Variants in MACROD2 observed in about 807,000 individuals in gnomAD.
MACROD2 encodes the protein ADP-ribose glycohydrolase MACROD2.
Under a neutral mutation model 70.4 loss-of-function variants are expected in MACROD2, and 36 were observed. That is an observed-to-expected ratio of 0.51 (90% confidence interval 0.39 to 0.68). The LOEUF (loss-of-function observed/expected upper bound fraction) is 0.68, where lower values mean the gene tolerates loss of function less well. Ranked by LOEUF, MACROD2 falls within the 30% of genes least tolerant of loss-of-function variation. MACROD2 has a pLI of 0.00. For missense variants in MACROD2, 496 were observed against 538.4 expected, an observed-to-expected ratio of 0.92 and a Z score of 0.78; for synonymous variants, 172 against 178.8, an observed-to-expected ratio of 0.96 and a Z score of 0.30.
At chr20:15,878,885 G>T (rs1431493616) in intron 9 of MACROD2, among the ~76,000 whole-genome samples, 2 of 152,082 alleles carry the variant, frequency 1.3e-5, no homozygotes, top group South Asian at 2.1e-4. Context: ...AAACTAGTTG[G>T]TTTTCACATA....
At chr20:15,380,424 A>AT (rs2045627557) in intron 6 of MACROD2, among the ~76,000 whole-genome samples, 3 of 111,420 alleles carry the variant, frequency 2.7e-5, no homozygotes, top group Non-Finnish European at 5.0e-5. Flanking sequence ...ACTTAGGGAA[A>AT]GTTTTTTTTT....
At chr20:14,735,034 T>C (rs1381798129) in intron 5 of MACROD2, among the ~76,000 whole-genome samples, 2 of 151,814 alleles carry the variant, frequency 1.3e-5, no homozygotes, top group Non-Finnish European at 2.9e-5. Context: ...ATAAAACCCT[T>C]AGAAAAAAAA....
intron 2 of MACROD2, among the ~76,000 whole-genome samples, chr20:14,078,683 C>T (rs920850703): frequency 1.3e-5 from 2 of 152,208 alleles, no homozygotes; most frequent in Non-Finnish European, 2.9e-5. Flanking sequence ...GCTGGGATTA[C>T]AGGCGTGAGC....
chr20:15,823,220 C>G (rs2063958417), intron 8 of MACROD2, among the ~76,000 whole-genome samples: 1 of 151,652 alleles, frequency 6.6e-6, no homozygotes, highest in Non-Finnish European at 1.5e-5. Flanking sequence ...CTTTTCAAAT[C>G]AAGCACTCAC....
chr20:15,923,413 C>G (rs1375505037), intron 10 of MACROD2, among the ~76,000 whole-genome samples: 1 of 152,186 alleles, frequency 6.6e-6, no homozygotes, highest in Non-Finnish European at 1.5e-5. Context: ...CCCCATGATT[C>G]AATTACCTCC....
At position 14,850,126 on chromosome 20, in the gene MACROD2, G is replaced by A. The variant is rs77836645; in HGVS notation, c.418+165167G>A. The A allele has an allele frequency of 4.1e-3, 1,641 of 396,300 alleles. 20 individuals carry two copies. The highest frequency in any genetic ancestry group is 0.03 in the African/African-American group (1,462 of 48,288). 24.5% of individuals were successfully genotyped at this position (396,300 alleles called of 1,614,324 possible). ...AGAGCCATAGTTTAAAAGTTTGAAA[G>A]CTTTGGGGGTCATCTAGGACACTGA... On this transcript the variant is annotated intron_variant, in intron 5 of 17. Coordinates refer to ENST00000684519, the MANE Select transcript of MACROD2 (RefSeq NM_001351661.2).
intron 10 of MACROD2, among the ~76,000 whole-genome samples, chr20:15,909,256 C>T (rs1186340220): frequency 6.6e-6 from 1 of 152,158 alleles, no homozygotes; most frequent in Non-Finnish European, 1.5e-5. Context: ...ACTTGTTACA[C>T]ATTGACCCAG....
At chr20:15,274,718 C>T (rs752727651) in intron 6 of MACROD2, among the ~76,000 whole-genome samples, 5 of 152,172 alleles carry the variant, frequency 3.3e-5, no homozygotes, top group Admixed American at 6.5e-5. Context: ...AAGCAGACAC[C>T]GTCCTTGACT....
chr20:14,861,282 G>C (rs115415454), intron 5 of MACROD2, among the ~76,000 whole-genome samples: 5 of 152,020 alleles, frequency 3.3e-5, no homozygotes, highest in Admixed American at 6.6e-5. Flanking sequence ...CTAGAGCCTC[G>C]GAGGAAGGGC....
intron 6 of MACROD2, among the ~76,000 whole-genome samples, chr20:15,340,784 T>G (rs936122574): frequency 4.6e-5 from 7 of 152,084 alleles, no homozygotes; most frequent in Non-Finnish European, 8.8e-5. Context: ...CTTTTTTTTT[T>G]TTGCCCTCCA....
intron 13 of MACROD2, among the ~76,000 whole-genome samples, chr20:15,980,061 G>T (rs374174602): frequency 6.6e-6 from 1 of 152,208 alleles, no homozygotes; most frequent in Admixed American, 6.5e-5. Context: ...TGAGCAAGCA[G>T]GGGGTACGTG....
At chr20:15,024,451 A>G (rs1254634295) in intron 5 of MACROD2, among the ~76,000 whole-genome samples, 3 of 152,096 alleles carry the variant, frequency 2.0e-5, no homozygotes, top group Admixed American at 6.5e-5. Flanking sequence ...ATCTAAATTA[A>G]TTTGGTTTAT....
At chr20:14,954,245 T>C (rs1392832252) in intron 5 of MACROD2, among the ~76,000 whole-genome samples, 2 of 151,884 alleles carry the variant, frequency 1.3e-5, no homozygotes, top group African/African-American at 4.8e-5. Context: ...TGGTTGTTTC[T>C]TTTTGGTTTA....
intron 8 of MACROD2, among the ~76,000 whole-genome samples, chr20:15,747,201 C>T (rs2051196664): frequency 6.6e-6 from 1 of 152,026 alleles, no homozygotes; most frequent in Non-Finnish European, 1.5e-5. Context: ...TGAAGACCCC[C>T]AAATAGGAGG....
At chr20:15,873,300 C>A (rs1281678345) in intron 9 of MACROD2, among the ~76,000 whole-genome samples, 2 of 152,056 alleles carry the variant, frequency 1.3e-5, no homozygotes, top group African/African-American at 4.8e-5. Context: ...AGTTTACATT[C>A]CCATGAGTGG....
chr20:14,449,587 A>G (rs1025833333), intron 3 of MACROD2, among the ~76,000 whole-genome samples: 4 of 152,140 alleles, frequency 2.6e-5, no homozygotes, highest in Non-Finnish European at 5.9e-5. Context: ...GAGTGTTAGT[A>G]GTGATGAGGA....
At chr20:15,074,737 C>A (rs960393324) in intron 5 of MACROD2, among the ~76,000 whole-genome samples, 1 of 152,106 alleles carries the variant, frequency 6.6e-6, no homozygotes, top group South Asian at 2.1e-4. Flanking sequence ...GTATTGGAAG[C>A]CCCTCTCTCC....
chr20:15,425,166 A>C (rs996812897), intron 6 of MACROD2, among the ~76,000 whole-genome samples: 3 of 152,062 alleles, frequency 2.0e-5, no homozygotes, highest in African/African-American at 7.2e-5. Context: ...ACTGTGGAAA[A>C]CTCCTATCTA....
At chr20:15,233,386 A>G (rs1217782549) in intron 6 of MACROD2, among the ~76,000 whole-genome samples, 1 of 152,122 alleles carries the variant, frequency 6.6e-6, no homozygotes, top group Non-Finnish European at 1.5e-5. Context: ...GATGGAGAAA[A>G]ACAGAAAAAA....
Sources: gnomAD v4.1 joint callset for allele counts (sites outside exome capture counted in the v4.1 genomes callset) on GRCh38, gnomAD v4.1.1 for gene constraint, MANE v1.5 for transcripts, NCBI Gene and HGNC (gene_info 2026-07-23, HGNC 2026-07-21) for gene names.